The following GRID1 variants were observed in gnomAD, a reference collection of about 807,000 sequenced individuals.
The protein encoded by GRID1 is glutamate ionotropic receptor delta type subunit 1.
GRID1 carries 28 observed loss-of-function variants against 98.0 expected under a neutral mutation model. The observed-to-expected ratio is 0.29, with a 90% CI of 0.21 to 0.39. The LOEUF (loss-of-function observed/expected upper bound fraction) is 0.39. Among genes scored for constraint, GRID1 ranks in the 10% least tolerant of loss-of-function variants. GRID1 has a pLI of 1.00. For synonymous variants in GRID1, 553 were observed against 538.5 expected (o/e 1.03, Z -0.37); for missense variants, 1,111 against 1,340.5 (o/e 0.83, Z 2.67).
intron 8 of GRID1, among the ~76,000 whole-genome samples, chr10:85,731,021 C>A (rs1377499190): frequency 6.6e-6 from 1 of 152,108 alleles, no homozygotes; most frequent in Non-Finnish European, 1.5e-5. Context: ...ACTGGGGGCC[C>A]TAAAGTAAAG....
chr10:85,624,318 G>C (rs1397075141), intron 13 of GRID1, among the ~76,000 whole-genome samples: 1 of 152,194 alleles, frequency 6.6e-6, no homozygotes, highest in East Asian at 1.9e-4. Context: ...AATATGAAAT[G>C]CATTCTGAAT....
intron 4 of GRID1, among the ~76,000 whole-genome samples, chr10:86,124,161 G>A (rs747315707): frequency 6.6e-6 from 1 of 152,206 alleles, no homozygotes. Context: ...GAGAGTGGCA[G>A]AGACAACACC....
At position 85,702,306 on chromosome 10, in the gene GRID1, G is replaced by A. The variant is rs1841460753; in HGVS notation, c.1997+20697C>T. Among the ~76,000 whole-genome samples, 3 of 152,042 alleles carry A rather than the reference G, an allele frequency of 2.0e-5. No homozygotes were observed. In the South Asian group the frequency reaches 6.2e-4, roughly 32 times the overall value. On this transcript the variant is annotated intron_variant, in intron 12 of 15. Coordinates refer to ENST00000327946, the MANE Select transcript of GRID1 (RefSeq NM_017551.3). ...TAGAACTTATATAGTCATTAATATT[G>A]CTAAAAGGCATGTGAAAACTAAAGA...
chr10:86,043,501 C>G (rs1843376663), intron 4 of GRID1, among the ~76,000 whole-genome samples: 1 of 152,212 alleles, frequency 6.6e-6, no homozygotes, highest in African/African-American at 2.4e-5. Context: ...CTGTTGCTGG[C>G]AGCCTGGTGA....
chr10:85,982,846 T>C lies in GRID1; in HGVS notation c.727-66607A>G, dbSNP rs72845588. Among the ~76,000 whole-genome samples, 413 of 152,306 alleles carry C rather than the reference T, an allele frequency of 2.7e-3. 2 individuals are homozygous for C. Among genetic ancestry groups the C allele is most frequent in the Non-Finnish European group, 4.4e-3 (299 of 68,026 alleles). ...TATTGTCACTGAAAAAGAAACTCCCTCAGCCCAAGTTTCTCAGCAAGGGCA... is the reference window on the plus strand; with the variant it reads ...TATTGTCACTGAAAAAGAAACTCCCCCAGCCCAAGTTTCTCAGCAAGGGCA... On this transcript the variant is annotated intron_variant, in intron 4 of 15. Coordinates refer to ENST00000327946, the MANE Select transcript of GRID1 (RefSeq NM_017551.3).
chr10:85,881,490 C>A (rs1412412268), intron 5 of GRID1, among the ~76,000 whole-genome samples: 3 of 152,176 alleles, frequency 2.0e-5, no homozygotes, highest in Non-Finnish European at 2.9e-5. Flanking sequence ...ACCAGCTGAT[C>A]TTTGACAAAC....
chr10:86,282,728 G>A (rs570836371), intron 2 of GRID1, among the ~76,000 whole-genome samples: 1 of 152,110 alleles, frequency 6.6e-6, no homozygotes, highest in South Asian at 2.1e-4. Context: ...CCTTCCCTGG[G>A]GGCTCCCCTC....
intron 8 of GRID1, among the ~76,000 whole-genome samples, chr10:85,772,420 A>G (rs1428626930): frequency 6.6e-6 from 1 of 150,534 alleles, no homozygotes; most frequent in Non-Finnish European, 1.5e-5. Context: ...GAACTAGAAA[A>G]GCAAGAGCAA....
At chr10:85,839,571 C>T (rs866617907) in intron 8 of GRID1, among the ~76,000 whole-genome samples, 7 of 152,156 alleles carry the variant, frequency 4.6e-5, no homozygotes, top group Middle Eastern at 6.8e-3. Context: ...TTATTTGAAG[C>T]TAATAAAACA....
chr10:85,865,578 A>G (rs1843207038), intron 6 of GRID1, among the ~76,000 whole-genome samples: 1 of 152,084 alleles, frequency 6.6e-6, no homozygotes, highest in Admixed American at 6.5e-5. Context: ...CACTAATTTC[A>G]TCAAGACAAA....
intron 4 of GRID1, among the ~76,000 whole-genome samples, chr10:86,109,810 A>C (rs2131950904): frequency 6.6e-6 from 1 of 152,070 alleles, no homozygotes; most frequent in South Asian, 2.1e-4. Flanking sequence ...AAGAGCTGGA[A>C]CTCTAGAGGA....
At chr10:85,604,702 T>G (rs369201320) in intron 15 of GRID1, among the ~76,000 whole-genome samples, 2 of 152,346 alleles carry the variant, frequency 1.3e-5, no homozygotes, top group Non-Finnish European at 1.5e-5. Flanking sequence ...CCTAATTACC[T>G]TACACCATGG....
intron 2 of GRID1, among the ~76,000 whole-genome samples, chr10:86,310,750 G>A (rs1406615517): frequency 3.9e-5 from 6 of 152,266 alleles, no homozygotes; most frequent in African/African-American, 1.4e-4. Context: ...ACATCTGCTG[G>A]AGCACCCCAG....
chr10:86,240,284 C>T (rs978554155), intron 2 of GRID1, among the ~76,000 whole-genome samples: 1 of 152,160 alleles, frequency 6.6e-6, no homozygotes, highest in African/African-American at 2.4e-5. Context: ...GGTTTCAGGG[C>T]CCTGGGCCTC....
At chr10:86,332,274 G>T (rs372527417) in intron 2 of GRID1, among the ~76,000 whole-genome samples, 1 of 152,172 alleles carries the variant, frequency 6.6e-6, no homozygotes, top group Non-Finnish European at 1.5e-5. Context: ...GCCCCAGGAC[G>T]GTGAAGGGAG....
At chr10:86,313,067 A>G (rs749107369) in intron 2 of GRID1, among the ~76,000 whole-genome samples, 4 of 152,212 alleles carry the variant, frequency 2.6e-5, no homozygotes, top group Non-Finnish European at 5.9e-5. Context: ...GAGAGAGGCC[A>G]GGTGGGTTGG....
intron 4 of GRID1, among the ~76,000 whole-genome samples, chr10:86,131,524 G>T (rs1487012099): frequency 6.6e-6 from 1 of 152,108 alleles, no homozygotes; most frequent in Non-Finnish European, 1.5e-5. Flanking sequence ...CCATGCTTCA[G>T]GTTCACAGTT....
chr10:85,904,934 A>T (rs1841439208), intron 5 of GRID1, among the ~76,000 whole-genome samples: 1 of 152,128 alleles, frequency 6.6e-6, no homozygotes, highest in Non-Finnish European at 1.5e-5. Flanking sequence ...AATATTAGAA[A>T]ATATAAAAGA....
intron 8 of GRID1, among the ~76,000 whole-genome samples, chr10:85,743,019 C>T (rs541900237): frequency 6.6e-6 from 1 of 151,076 alleles, no homozygotes; most frequent in Non-Finnish European, 1.5e-5. Context: ...TAGTGCCTCT[C>T]CCCCGACTCC....
Sources: allele counts gnomAD v4.1 joint callset (sites outside exome capture counted in the v4.1 genomes callset), GRCh38; gene constraint gnomAD v4.1.1; transcripts MANE v1.5; gene names NCBI Gene and HGNC (gene_info 2026-07-23, HGNC 2026-07-21).